LMO7: variants seen among roughly 807,000 people sequenced by gnomAD.
LMO7 encodes LIM domain 7.
LMO7 carries 120 observed loss-of-function variants against 206.5 expected under a neutral mutation model. The ratio of observed to expected loss-of-function variants is 0.58; its 90% CI spans 0.50 to 0.68. The LOEUF (loss-of-function observed/expected upper bound fraction) is 0.68, where lower values mean the gene tolerates loss of function less well. Among genes scored for constraint, LMO7 ranks in the 30% least tolerant of loss-of-function variants. The pLI, the probability that LMO7 is intolerant of heterozygous loss-of-function variation, is 0.00. For missense variants in LMO7, 1,959 were observed against 1,957.9 expected (o/e 1.00, Z -0.01); for synonymous variants, 706 against 681.5 (o/e 1.04, Z -0.56).
At chr13:75,806,493 C>T (rs1018790145) in intron 9 of LMO7, 4 of 152,442 alleles carry the variant, frequency 2.6e-5, no homozygotes, top group African/African-American at 9.7e-5. Context: ...ATGTGTGAGA[C>T]AGGATATATT....
In LMO7 at chr13:75,805,663, C is replaced by T; in HGVS notation, c.1099C>T (p.Gln367Ter). 2 of 1,614,006 alleles carry T rather than the reference C, an allele frequency of 1.2e-6. No homozygotes were observed. ...GCCAAACCCAGGGAATGCTTTTGAT[C>T]AGTTTCTTCCCAAATGTTGGACCCC... ...VMPNPGNAFD[Q>*]FLPKCWTPED... The change falls in exon 9 of 31, where the codon CAG becomes TAG. Residue 367 changes from glutamine to a stop codon, truncating the protein, a stop_gained. Coordinates refer to ENST00000377534, the MANE Select transcript of LMO7 (RefSeq NM_001306080.2). LOFTEE classifies it high-confidence loss of function.
chr13:75,651,427 A>G (rs1001315004), intron 1 of LMO7, among the ~76,000 whole-genome samples: 1 of 151,092 alleles, frequency 6.6e-6, no homozygotes, highest in African/African-American at 2.4e-5. Context: ...CTCCTGCCTC[A>G]GCCTCCCGAG....
intron 2 of LMO7, among the ~76,000 whole-genome samples, chr13:75,726,085 T>C (rs529852332): frequency 5.9e-5 from 9 of 152,026 alleles, no homozygotes; most frequent in South Asian, 4.1e-4. Context: ...TGGAGCTCTG[T>C]TACAGCCTAA....
intron 1 of LMO7, among the ~76,000 whole-genome samples, chr13:75,684,461 T>TC (rs1450719744): frequency 6.6e-6 from 1 of 151,924 alleles, no homozygotes; most frequent in Non-Finnish European, 1.5e-5. Flanking sequence ...GTCAGGCTTG[T>TC]CCTGAACTCC....
chr13:75,657,467 A>G lies in LMO7; in HGVS notation c.69+20741A>G, dbSNP rs76004654. On this transcript the variant is annotated intron_variant, in intron 1 of 30. Coordinates refer to ENST00000377534, the MANE Select transcript of LMO7 (RefSeq NM_001306080.2). Reference sequence around the variant, plus strand: ...ACACCAGCAGTCAATTTAATGAGCCAGCAAAGGAACACCTGAAGCATAGTT... The same window carrying G: ...ACACCAGCAGTCAATTTAATGAGCCGGCAAAGGAACACCTGAAGCATAGTT... Among the ~76,000 whole-genome samples the G allele has an allele frequency of 2.1e-4, 32 of 152,290 alleles. No individual in the cohort carries two copies. In the East Asian group the frequency reaches 6.2e-3, roughly 29 times the overall value.
chr13:75,643,376 G>T (rs2139037163), intron 1 of LMO7, among the ~76,000 whole-genome samples: 1 of 152,316 alleles, frequency 6.6e-6, no homozygotes, highest in Middle Eastern at 3.4e-3. Flanking sequence ...AATACACCTT[G>T]CAGGTGAACT....
chr13:75,842,880 CAGA>C lies in LMO7; in HGVS notation c.4067_4069del (p.Glu1356del). ...GTTGATTCCTATGATATACCAAAGA[CAGA>C]AGAAGCATCTTCAGGTTTTCTTCCT... On this transcript the variant is annotated inframe_deletion, in exon 25 of 31. Coordinates refer to ENST00000377534, the MANE Select transcript of LMO7 (RefSeq NM_001306080.2). The C allele has an allele frequency of 6.2e-7, 1 of 1,608,222 alleles. No individual in the cohort carries two copies. The highest frequency in any genetic ancestry group is 8.5e-7 in the Non-Finnish European group (1 of 1,175,080).
intron 4 of LMO7, among the ~76,000 whole-genome samples, chr13:75,784,349 A>C (rs1356780803): frequency 2.0e-5 from 3 of 152,196 alleles, no homozygotes; most frequent in Non-Finnish European, 4.4e-5. Context: ...TTTGTGGAGC[A>C]GGCAATATTT....
chr13:75,853,752 A>G (rs1036879245), intron 28 of LMO7, among the ~76,000 whole-genome samples: 18 of 152,222 alleles, frequency 1.2e-4, no homozygotes, highest in African/African-American at 4.3e-4. Context: ...TTTCTGAGTG[A>G]AATCAGTATT....
rs2138939573 is a variant in LMO7 at position 75,636,725 on chromosome 13, A to G, written c.68A>G (p.Glu23Gly). 1 of 1,605,938 alleles carries G rather than the reference A, an allele frequency of 6.2e-7. No individual in the cohort carries two copies. Among genetic ancestry groups the G allele is most frequent in the Non-Finnish European group, 8.5e-7 (1 of 1,176,932 alleles). The change falls in exon 1 of 31, where the codon GAG becomes GGG. Residue 23 changes from glutamate to glycine, a missense_variant and splice_region_variant. Glu to Gly is a moderately conservative substitution (Grantham distance 98). Coordinates refer to ENST00000377534, the MANE Select transcript of LMO7 (RefSeq NM_001306080.2). ...TTCGCTGAGGCTCAGAGATGGGTGGAGGTGAGTGCCTTTCACTGCTTTCCC... is the reference window on the plus strand; with the variant it reads ...TTCGCTGAGGCTCAGAGATGGGTGGGGGTGAGTGCCTTTCACTGCTTTCCC... ...VAFAEAQRWV[E>G]AVTEKNFETK...
intron 1 of LMO7, among the ~76,000 whole-genome samples, chr13:75,672,089 T>C (rs991043082): frequency 6.6e-6 from 1 of 152,118 alleles, no homozygotes; most frequent in African/African-American, 2.4e-5. Flanking sequence ...CCAACATCCC[T>C]GGATGTTCAA....
intron 1 of LMO7, among the ~76,000 whole-genome samples, chr13:75,654,399 G>C (rs543218683): frequency 6.6e-6 from 1 of 152,142 alleles, no homozygotes; most frequent in Non-Finnish European, 1.5e-5. Context: ...CTGATCTCTC[G>C]TTCCTTTTTC....
intron 1 of LMO7, among the ~76,000 whole-genome samples, chr13:75,695,690 A>C (rs2041845578): frequency 6.6e-6 from 1 of 152,218 alleles, no homozygotes; most frequent in Non-Finnish European, 1.5e-5. Context: ...TGTGGGCCCC[A>C]AAGCTACAAC....
intron 3 of LMO7, among the ~76,000 whole-genome samples, chr13:75,729,024 C>T (rs1049889731): frequency 7.9e-5 from 12 of 152,158 alleles, no homozygotes; most frequent in African/African-American, 2.9e-4. Flanking sequence ...TTTTGAGTTA[C>T]TATAGCCTTG....
intron 1 of LMO7, among the ~76,000 whole-genome samples, chr13:75,639,014 T>C (rs576703554): frequency 2.0e-5 from 3 of 152,324 alleles, no homozygotes; most frequent in African/African-American, 7.2e-5. Flanking sequence ...ATATGTATTA[T>C]AATATATGTT....
At chr13:75,744,243 C>T (rs1418652082) in intron 3 of LMO7, among the ~76,000 whole-genome samples, 1 of 152,096 alleles carries the variant, frequency 6.6e-6, no homozygotes, top group Non-Finnish European at 1.5e-5. Context: ...TAGTTGTTTC[C>T]AATACCCTCA....
At chr13:75,736,678 T>C (rs761351477) in intron 3 of LMO7, among the ~76,000 whole-genome samples, 2 of 152,204 alleles carry the variant, frequency 1.3e-5, no homozygotes, top group African/African-American at 2.4e-5. Context: ...ACGTAATAAA[T>C]GTGCCACAGA....
intron 14 of LMO7, among the ~76,000 whole-genome samples, chr13:75,821,964 A>G (rs890660851): frequency 3.9e-5 from 6 of 151,948 alleles, no homozygotes; most frequent in Middle Eastern, 3.4e-3. Flanking sequence ...TTCTTGACCT[A>G]TAAAACAGCA....
rs1217164059 is a variant in LMO7 at position 75,841,568 on chromosome 13, T to C, written c.3676-60T>C. 6 of 1,181,118 alleles carry C rather than the reference T, an allele frequency of 5.1e-6. No homozygotes were observed. The Admixed American group carries it at 1.3e-4, about 26-fold the overall frequency. 73.2% of individuals were successfully genotyped at this position (1,181,118 alleles called of 1,614,324 possible). A position where few individuals can be genotyped will look rare whatever the true frequency, so the allele number is the denominator to read the frequency against. On this transcript the variant is annotated intron_variant, in intron 23 of 30. Transcript: ENST00000377534. Reference sequence around the variant, plus strand: ...ATCTAAAACTGAATATATATGTGTCTATATGAAATTACGGAAATAAACAGA... The same window carrying C: ...ATCTAAAACTGAATATATATGTGTCCATATGAAATTACGGAAATAAACAGA...
Sources: gnomAD v4.1 joint callset for allele counts (sites outside exome capture counted in the v4.1 genomes callset) on GRCh38, gnomAD v4.1.1 for gene constraint, MANE v1.5 for transcripts, NCBI Gene and HGNC (gene_info 2026-07-23, HGNC 2026-07-21) for gene names.